The following GMEB2 variants were observed in gnomAD, a reference collection of about 807,000 sequenced individuals.
The protein encoded by GMEB2 is glucocorticoid modulatory element-binding protein 2.
A neutral mutation model predicts 45.7 loss-of-function variants in GMEB2; 7 were observed. That is an observed-to-expected ratio of 0.15 (90% CI 0.09 to 0.29). The LOEUF (loss-of-function observed/expected upper bound fraction) is 0.29, where lower values mean the gene tolerates loss of function less well. GMEB2 is among the 10% of genes least tolerant of loss of function. The pLI, the probability that GMEB2 is intolerant of heterozygous loss-of-function variation, is 1.00. For missense variants in GMEB2, 582 were observed against 739.2 expected, an observed-to-expected ratio of 0.79 and a Z score of 2.47; for synonymous variants, 322 against 323.6, an observed-to-expected ratio of 1.00 and a Z score of 0.05.
chr20:63,599,175 G>A (rs937938144), intron 4 of GMEB2, among the ~76,000 whole-genome samples: 39 of 150,670 alleles, frequency 2.6e-4, no homozygotes, highest in East Asian at 2.0e-4. Flanking sequence ...GCGCTAACGC[G>A]GCCCGCTCCT....
At chr20:63,604,384 C>T (rs1250043856) in intron 3 of GMEB2, among the ~76,000 whole-genome samples, 7 of 152,120 alleles carry the variant, frequency 4.6e-5, no homozygotes, top group African/African-American at 1.4e-4. Flanking sequence ...TCTCAAAAAA[C>T]AAAACCTTCT....
At chr20:63,622,210 A>G (rs1359706636) in intron 1 of GMEB2, among the ~76,000 whole-genome samples, 3 of 152,226 alleles carry the variant, frequency 2.0e-5, no homozygotes, top group Non-Finnish European at 4.4e-5. Flanking sequence ...TAATATAAAA[A>G]TAACATCACC....
intron 5 of GMEB2, 73 bp from the exon 6 acceptor site, chr20:63,595,840 C>T: frequency 7.1e-7 from 1 of 1,411,048 alleles, no homozygotes; most frequent in Admixed American, 1.7e-5. Context: ...CCACCCTGAC[C>T]TGGGCCATCC....
At chr20:63,610,170 C>T (rs1432048727) in intron 2 of GMEB2, among the ~76,000 whole-genome samples, 1 of 152,244 alleles carries the variant, frequency 6.6e-6, no homozygotes, top group African/African-American at 2.4e-5. Flanking sequence ...CTGTGCACCT[C>T]ATAACAGCCA....
intron 3 of GMEB2, among the ~76,000 whole-genome samples, chr20:63,604,102 A>G (rs1320717775): frequency 1.4e-5 from 2 of 147,610 alleles, no homozygotes; most frequent in East Asian, 2.0e-4. Context: ...TCAGTGGCTC[A>G]CACCTGTAAT....
chr20:63,601,254 G>A (rs2083239531), intron 4 of GMEB2, among the ~76,000 whole-genome samples: 1 of 152,148 alleles, frequency 6.6e-6, no homozygotes, highest in South Asian at 2.1e-4. Context: ...GCAGGCAGTG[G>A]GGTCTTCATC....
chr20:63,592,967 C>T lies in GMEB2; in HGVS notation c.691+44G>A, dbSNP rs1333273879. 7.3e-7 allele frequency: 1 copy of T among 1,377,956 alleles called. No individual in the cohort carries two copies. Among genetic ancestry groups the T allele is most frequent in the South Asian group, 1.2e-5 (1 of 82,904 alleles). 85.4% of individuals were successfully genotyped at this position (1,377,956 alleles called of 1,614,324 possible). A position where few individuals can be genotyped will look rare whatever the true frequency, so the allele number is the denominator to read the frequency against. On this transcript the variant is annotated intron_variant, in intron 7 of 9. Coordinates refer to ENST00000370077, the MANE Select transcript of GMEB2 (RefSeq NM_012384.5). The surrounding 1 kb of genome is among the most constrained non-coding windows in gnomAD (Gnocchi z 8.2). ...CCCGAGGTGGGCAGAGACTCCACCA[C>T]CCCGCCAGGGCTTGTGAGAAGCCCA...
chr20:63,613,360 A>G (rs1306476036), intron 2 of GMEB2, among the ~76,000 whole-genome samples: 1 of 152,194 alleles, frequency 6.6e-6, no homozygotes, highest in Non-Finnish European at 1.5e-5. Context: ...CAAGTGGGAC[A>G]CCAGCCTCCA....
At chr20:63,591,929 G>A (rs991462770) in intron 9 of GMEB2, 93 bp downstream of exon 9, 7 of 1,110,722 alleles carry the variant, frequency 6.3e-6, no homozygotes, top group Non-Finnish European at 9.0e-6. Context: ...ACTCCAGGAA[G>A]TGCAGGTGGA....
intron 1 of GMEB2, among the ~76,000 whole-genome samples, chr20:63,625,671 C>A (rs2089666281): frequency 6.6e-6 from 1 of 152,002 alleles, no homozygotes; most frequent in African/African-American, 2.4e-5. Flanking sequence ...CATCTCCACT[C>A]ACTGCAACCT....
Position 63,595,745 on chromosome 20 carries a change from G to A in GMEB2, c.484C>T (p.Leu162=). 6.2e-7 allele frequency: 1 copy of A among 1,614,006 alleles called. No individual in the cohort carries two copies. Among genetic ancestry groups the A allele is most frequent in the Non-Finnish European group, 8.5e-7 (1 of 1,179,876 alleles). Reference sequence around the variant, plus strand: ...ACCTTGTCATGCTGGTAGAAGTCCAGTTCCCCGGAGTCCATGATCTTCCTG... The same window carrying A: ...ACCTTGTCATGCTGGTAGAAGTCCAATTCCCCGGAGTCCATGATCTTCCTG... ...MLRKIMDSGE[L]DFYQHDKVCS... is the part of the protein sequence containing the mutation. The change falls in exon 6 of 10, where the codon CTG becomes TTG. Residue 162 remains leucine, a synonymous_variant. Coordinates refer to ENST00000370077, the MANE Select transcript of GMEB2 (RefSeq NM_012384.5).
intron 2 of GMEB2, among the ~76,000 whole-genome samples, chr20:63,611,863 G>A (rs1295915275): frequency 1.3e-5 from 2 of 152,068 alleles, no homozygotes; most frequent in African/African-American, 4.8e-5. Flanking sequence ...CAGGCGTGGT[G>A]GCACATGCCT....
At chr20:63,601,671 G>A (rs753726856) in intron 4 of GMEB2, among the ~76,000 whole-genome samples, 3 of 151,996 alleles carry the variant, frequency 2.0e-5, no homozygotes, top group African/African-American at 7.2e-5. Context: ...CATGGCACCC[G>A]GCCTCTTTTA....
In GMEB2 at chr20:63,590,148, C is replaced by A; in HGVS notation, c.1534G>T (p.Glu512Ter). 1 of 1,567,406 alleles carries A rather than the reference C, an allele frequency of 6.4e-7. No homozygotes were observed. The highest frequency in any genetic ancestry group is 1.8e-5 in the Admixed American group (1 of 55,270). ...TVPAGAAPGP[E>*]EHTATIEVAA... ...ACCTCAATGGTGGCCGTGTGCTCCT[C>A]AGGCCCGGGGGCAGCCCCTGCGGGC... The change falls in exon 10 of 10, where the codon GAG becomes TAG. Residue 512 changes from glutamate to a stop codon, truncating the protein, a stop_gained. Transcript: ENST00000370077. LOFTEE classifies it high-confidence loss of function.
At chr20:63,594,523 C>T (rs927278066) in intron 6 of GMEB2, among the ~76,000 whole-genome samples, 1 of 152,174 alleles carries the variant, frequency 6.6e-6, no homozygotes, top group Non-Finnish European at 1.5e-5. Flanking sequence ...AGGGTGAGGC[C>T]TCCCTAGTGC....
chr20:63,597,573 G>A (rs1031017180), intron 5 of GMEB2, among the ~76,000 whole-genome samples, 184 bp downstream of exon 5: 3 of 152,222 alleles, frequency 2.0e-5, no homozygotes, highest in Non-Finnish European at 2.9e-5. Context: ...TGTCCCTGTT[G>A]GCAGGAGTGT....
At chr20:63,606,251 C>A (rs888370977) in intron 2 of GMEB2, among the ~76,000 whole-genome samples, 1 of 151,692 alleles carries the variant, frequency 6.6e-6, no homozygotes, top group African/African-American at 2.4e-5. Context: ...AAAGGGTTTT[C>A]TCATACAATA....
chr20:63,605,881 G>A (rs559443587), intron 2 of GMEB2, among the ~76,000 whole-genome samples: 9 of 151,812 alleles, frequency 5.9e-5, no homozygotes, highest in African/African-American at 1.9e-4. Flanking sequence ...CCTGAACCCC[G>A]GAAACAGAGG....
In GMEB2 at chr20:63,602,966, T is replaced by A; in HGVS notation, c.356A>T (p.Gln119Leu). 1 of 1,613,996 alleles carries A rather than the reference T, an allele frequency of 6.2e-7. No individual in the cohort carries two copies. The highest frequency in any genetic ancestry group is 8.5e-7 in the Non-Finnish European group (1 of 1,179,878). Residue 119 changes from glutamine (Q) to leucine (L), a missense_variant and splice_region_variant, in exon 4 of 10, where the codon CAG (glutamine) becomes CTG (leucine). By Grantham distance (113) the Gln-to-Leu change is moderately radical (BLOSUM62 -2). Around this residue, in one of 3 missense-constraint regions of GMEB2, gnomAD observed 462 missense variants for 586.7 expected, o/e 0.79. Transcript: ENST00000370077. ...VCPGINVKCV[Q>L]YDEHVISPKE... ...GCCCTGAATGCAGCCTGTGCTCACC[T>A]GAACACATTTCACATTGATGCCGGG...
Sources: gnomAD v4.1 joint callset for allele counts (sites outside exome capture counted in the v4.1 genomes callset) on GRCh38, gnomAD v4.1.1 for gene constraint, gnomAD v4.1.1 regional missense constraint, Gnocchi (gnomAD v3.1) non-coding constraint, MANE v1.5 for transcripts, NCBI Gene and HGNC (gene_info 2026-07-23, HGNC 2026-07-21) for gene names.